Variants in RELL1 observed in about 807,000 individuals in gnomAD.
The protein encoded by RELL1 is RELT-like protein 1.
RELL1 carries 10 observed loss-of-function variants against 23.0 expected under a neutral mutation model. The observed-to-expected ratio is 0.43, with a 90% confidence interval of 0.27 to 0.74. The LOEUF (loss-of-function observed/expected upper bound fraction) is 0.74. Among genes scored for constraint, RELL1 ranks in the 30% least tolerant of loss-of-function variants. The probability of loss-of-function intolerance (pLI) is 0.19; values close to 1 mark genes in which losing one functional copy is unlikely to be tolerated. For missense variants in RELL1, 315 were observed against 364.4 expected (o/e 0.86, Z 1.10); for synonymous variants, 146 against 146.8 (o/e 0.99, Z 0.04).
At chr4:37,592,931 T>C (rs1428397647) in intron 6 of RELL1, among the ~76,000 whole-genome samples, 1 of 152,232 alleles carries the variant, frequency 6.6e-6, no homozygotes, top group East Asian at 1.9e-4. Context: ...TTATTTGACT[T>C]TGGCAATTAT....
At chr4:37,644,058 G>A (rs1720612247) in intron 3 of RELL1, among the ~76,000 whole-genome samples, 1 of 152,190 alleles carries the variant, frequency 6.6e-6, no homozygotes, top group Admixed American at 6.5e-5. Flanking sequence ...AAAGAGAACT[G>A]GGGAGCAGAG....
At chr4:37,598,094 T>TATATATATATAA (rs1000920633) in intron 6 of RELL1, among the ~76,000 whole-genome samples, 2 of 140,262 alleles carry the variant, frequency 1.4e-5, no homozygotes, top group African/African-American at 2.7e-5. Flanking sequence ...TATATATATA[T>TATATATATATAA]AACTCCTCCT....
intron 1 of RELL1, among the ~76,000 whole-genome samples, chr4:37,652,284 C>T (rs79318620): frequency 0.024 from 3,669 of 152,306 alleles, 176 homozygotes; most frequent in East Asian, 0.12. Context: ...GCATTCATTA[C>T]TTTATCAGAC....
At chr4:37,597,788 T>A (rs1305480405) in intron 6 of RELL1, among the ~76,000 whole-genome samples, 1 of 152,092 alleles carries the variant, frequency 6.6e-6, no homozygotes, top group African/African-American at 2.4e-5. Flanking sequence ...CCGTGGCTCA[T>A]GCCTGTAATC....
intron 1 of RELL1, among the ~76,000 whole-genome samples, chr4:37,680,104 A>G (rs556236116): frequency 1.7e-4 from 26 of 152,256 alleles, no homozygotes; most frequent in Non-Finnish European, 3.7e-4. Context: ...CTCAAAAACT[A>G]GAAGAAAACA....
At chr4:37,661,477 A>T (rs1414129938) in intron 1 of RELL1, among the ~76,000 whole-genome samples, 2 of 152,112 alleles carry the variant, frequency 1.3e-5, no homozygotes, top group East Asian at 3.9e-4. Context: ...ACGGAGTTTC[A>T]CCATGTTGCC....
At chr4:37,624,093 A>G (rs1251919053) in intron 6 of RELL1, among the ~76,000 whole-genome samples, 2 of 152,184 alleles carry the variant, frequency 1.3e-5, no homozygotes, top group East Asian at 1.9e-4. Flanking sequence ...GAGTCCAAAA[A>G]AAGGAGCCAA....
intron 1 of RELL1, among the ~76,000 whole-genome samples, chr4:37,683,369 C>A (rs1577615895): frequency 6.6e-6 from 1 of 152,306 alleles, no homozygotes; most frequent in East Asian, 1.9e-4. Context: ...TGGCACAGTA[C>A]CTATGTGATG....
At chr4:37,678,356 G>A (rs1018794485) in intron 1 of RELL1, among the ~76,000 whole-genome samples, 12 of 152,198 alleles carry the variant, frequency 7.9e-5, no homozygotes, top group African/African-American at 2.4e-4. Flanking sequence ...TTTGGGCAGG[G>A]ACAAATATAC....
intron 1 of RELL1, among the ~76,000 whole-genome samples, chr4:37,652,034 G>A (rs9998333): frequency 0.55 from 83,972 of 152,030 alleles, 24,260 homozygotes; most frequent in Middle Eastern, 0.67. Flanking sequence ...CAGCCAGGAG[G>A]TCCCCAGTTT....
intron 1 of RELL1, among the ~76,000 whole-genome samples, chr4:37,664,448 CCTT>C (rs1721462536): frequency 6.6e-6 from 1 of 152,004 alleles, no homozygotes; most frequent in East Asian, 1.9e-4. Flanking sequence ...AAGTAAAAGA[CCTT>C]TCTCTAGCTA....
chr4:37,625,915 A>C (rs1421363830), intron 6 of RELL1, among the ~76,000 whole-genome samples: 1 of 152,136 alleles, frequency 6.6e-6, no homozygotes, highest in Non-Finnish European at 1.5e-5. Context: ...ATGTTAAAAA[A>C]ATTGTAATGG....
chr4:37,668,517 G>T (rs55799730), intron 1 of RELL1, among the ~76,000 whole-genome samples: 4 of 151,414 alleles, frequency 2.6e-5, no homozygotes, highest in African/African-American at 7.3e-5. Flanking sequence ...TTCACTCAGT[G>T]CTCAATGGTG....
chr4:37,600,377 T>C (rs2109485062), intron 6 of RELL1, among the ~76,000 whole-genome samples: 1 of 152,316 alleles, frequency 6.6e-6, no homozygotes, highest in South Asian at 2.1e-4. Flanking sequence ...ACTAGATCTT[T>C]GTTGCTACCC....
Position 37,604,854 on chromosome 4 carries a change from C to CACACACACAGACACACACACACAG in RELL1, c.*4-13638_*4-13637insCTGTGTGTGTGTGTCTGTGTGTGT, listed in dbSNP as rs1560323818. 1.3e-3 allele frequency among the ~76,000 whole-genome samples: 77 copies of CACACACACAGACACACACACACAG among 59,704 alleles called. 6 individuals carry two copies. In the South Asian group the frequency reaches 0.042, roughly 33 times the overall value. The allele number at this position is 59,704 out of a possible 152,430, so 39.2% of individuals were successfully genotyped here. On this transcript the variant is annotated intron_variant, in intron 6 of 6. Transcript: ENST00000314117. ...ACATACACACAGACACACACACAGA[C>CACACACACAGACACACACACACAG]ACACACACACAGACACACACACACA...
At chr4:37,661,003 C>G (rs1334378395) in intron 1 of RELL1, among the ~76,000 whole-genome samples, 2 of 151,580 alleles carry the variant, frequency 1.3e-5, no homozygotes, top group Non-Finnish European at 2.9e-5. Context: ...TGCACTCCAG[C>G]CTGGGTGACA....
At chr4:37,669,923 C>T (rs912871960) in intron 1 of RELL1, among the ~76,000 whole-genome samples, 5 of 151,702 alleles carry the variant, frequency 3.3e-5, no homozygotes, top group Non-Finnish European at 2.9e-5. Flanking sequence ...GGTCCTCTGC[C>T]TAGGAAAACC....
intron 1 of RELL1, among the ~76,000 whole-genome samples, chr4:37,679,641 T>C (rs1410919050): frequency 1.3e-5 from 2 of 152,258 alleles, no homozygotes; most frequent in East Asian, 1.9e-4. Flanking sequence ...ATAGTCAAGA[T>C]AGAATAATAT....
At chr4:37,596,709 C>T (rs1718855980) in intron 6 of RELL1, among the ~76,000 whole-genome samples, 2 of 16,734 alleles carry the variant, frequency 1.2e-4, no homozygotes, top group South Asian at 3.2e-3. Flanking sequence ...CAAAACTGGG[C>T]ATATATATAT....
Sources: allele counts gnomAD v4.1 joint callset (sites outside exome capture counted in the v4.1 genomes callset), GRCh38; gene constraint gnomAD v4.1.1; transcripts MANE v1.5; gene names NCBI Gene and HGNC (gene_info 2026-07-23, HGNC 2026-07-21).